CNTN4: variants seen among roughly 807,000 people sequenced by gnomAD.
CNTN4 encodes the protein contactin-4.
In CNTN4, 77 loss-of-function variants were observed where a neutral mutation model predicts 122.5. The ratio of observed to expected loss-of-function variants is 0.63; its 90% CI spans 0.52 to 0.76. The LOEUF (loss-of-function observed/expected upper bound fraction) is 0.76, where lower values mean the gene tolerates loss of function less well. Ranked by LOEUF, CNTN4 falls within the 30% of genes least tolerant of loss-of-function variation. The probability of loss-of-function intolerance (pLI) is 0.00; values close to 1 mark genes in which losing one functional copy is unlikely to be tolerated. For missense variants in CNTN4, 1,256 were observed against 1,259.1 expected, an observed-to-expected ratio of 1.00 and a Z score of 0.04; for synonymous variants, 512 against 447.0, an observed-to-expected ratio of 1.15 and a Z score of -1.83.
chr3:3,008,867 G>C, intron 14 of CNTN4: 2 of 762,336 alleles, frequency 2.6e-6, no homozygotes, highest in Non-Finnish European at 3.2e-6. Context: ...GCAGGCATTC[G>C]GGTTTCCCAT....
intron 2 of CNTN4, among the ~76,000 whole-genome samples, chr3:2,205,012 A>G (rs952373625): frequency 1.3e-5 from 2 of 152,112 alleles, no homozygotes; most frequent in African/African-American, 4.8e-5. Flanking sequence ...GTTGGGAATT[A>G]CTTAGGTTTT....
chr3:2,342,308 A>G (rs1426101125), intron 3 of CNTN4, among the ~76,000 whole-genome samples: 1 of 152,208 alleles, frequency 6.6e-6, no homozygotes, highest in East Asian at 1.9e-4. Context: ...GGAAAATAGA[A>G]GAAGACAGTT....
chr3:2,609,595 C>T (rs1286163047), intron 4 of CNTN4, among the ~76,000 whole-genome samples: 1 of 152,134 alleles, frequency 6.6e-6, no homozygotes, highest in Non-Finnish European at 1.5e-5. Context: ...AGTAGGATAG[C>T]TCTCTAACTT....
chr3:2,959,531 T>C (rs2094832353), intron 13 of CNTN4, among the ~76,000 whole-genome samples: 1 of 152,174 alleles, frequency 6.6e-6, no homozygotes, highest in South Asian at 2.1e-4. Flanking sequence ...TACCCTTGGC[T>C]TTAGAAATAG....
chr3:3,043,306 C>G (rs563522471), intron 22 of CNTN4, 143 bp downstream of exon 22: 9 of 876,484 alleles, frequency 1.0e-5, no homozygotes, highest in Middle Eastern at 2.2e-4. Context: ...TTAACTGAAC[C>G]TTTCCGTATA....
intron 14 of CNTN4, among the ~76,000 whole-genome samples, chr3:3,006,249 T>C (rs887268654): frequency 1.3e-5 from 2 of 152,176 alleles, no homozygotes; most frequent in African/African-American, 4.8e-5. Context: ...GAACTTCATG[T>C]CACCCTCATG....
chr3:2,603,603 G>A (rs1025575859), intron 4 of CNTN4, among the ~76,000 whole-genome samples: 2 of 152,142 alleles, frequency 1.3e-5, no homozygotes, highest in Non-Finnish European at 2.9e-5. Flanking sequence ...AATGACTTAC[G>A]TTTCATGTCA....
chr3:2,397,519 T>A (rs989362881), intron 3 of CNTN4, among the ~76,000 whole-genome samples: 9 of 152,098 alleles, frequency 5.9e-5, no homozygotes, highest in Non-Finnish European at 1.5e-5. Flanking sequence ...TTTCTGGATA[T>A]TTTAGAAGTG....
chr3:2,291,705 G>C (rs1277715589), intron 2 of CNTN4, among the ~76,000 whole-genome samples: 2 of 151,644 alleles, frequency 1.3e-5, no homozygotes, highest in South Asian at 2.1e-4. Flanking sequence ...GATTTGTTTT[G>C]AACTATAATA....
chr3:3,021,235 ATG>A (rs1345286172), intron 14 of CNTN4, among the ~76,000 whole-genome samples: 2 of 152,258 alleles, frequency 1.3e-5, no homozygotes, highest in African/African-American at 4.8e-5. Flanking sequence ...TGCCTTTTAG[ATG>A]TGTGTTTTAT....
At chr3:2,822,726 G>A (rs1012795168) in intron 7 of CNTN4, among the ~76,000 whole-genome samples, 15 of 152,176 alleles carry the variant, frequency 9.9e-5, no homozygotes, top group Non-Finnish European at 7.4e-5. Context: ...GTGCTGCTAC[G>A]CAATGAAGTA....
intron 3 of CNTN4, among the ~76,000 whole-genome samples, chr3:2,349,728 G>A (rs939675812): frequency 5.3e-5 from 8 of 152,106 alleles, no homozygotes; most frequent in Non-Finnish European, 8.8e-5. Context: ...TTGCAAACAC[G>A]TGGACTCAGA....
chr3:2,220,685 T>C (rs143898782), intron 2 of CNTN4, among the ~76,000 whole-genome samples: 617 of 152,214 alleles, frequency 4.1e-3, no homozygotes, highest in Middle Eastern at 0.014. Context: ...TATCTCCTCA[T>C]TGTTGTGATA....
At chr3:2,520,253 T>C (rs562603545) in intron 3 of CNTN4, among the ~76,000 whole-genome samples, 2 of 144,066 alleles carry the variant, frequency 1.4e-5, no homozygotes, top group East Asian at 4.0e-4. Context: ...GGTTGGTGAT[T>C]GCTTCCTTTT....
At chr3:2,146,464 A>G (rs909547818) in intron 2 of CNTN4, among the ~76,000 whole-genome samples, 1 of 152,136 alleles carries the variant, frequency 6.6e-6, no homozygotes, top group Non-Finnish European at 1.5e-5. Flanking sequence ...AATACATTTT[A>G]TATTGTTCCA....
chr3:2,480,033 A>G (rs893002958), intron 3 of CNTN4, among the ~76,000 whole-genome samples: 6 of 152,184 alleles, frequency 3.9e-5, no homozygotes, highest in Non-Finnish European at 1.5e-5. Flanking sequence ...CAGTTATATC[A>G]CTAGATGCAG....
chr3:2,734,820 C>T (rs2088963180), intron 4 of CNTN4, among the ~76,000 whole-genome samples: 1 of 152,040 alleles, frequency 6.6e-6, no homozygotes, highest in African/African-American at 2.4e-5. Flanking sequence ...GAAGTTTTTC[C>T]AGGATAGCAG....
chr3:2,344,047 A>T (rs970750484), intron 3 of CNTN4, among the ~76,000 whole-genome samples: 1 of 152,130 alleles, frequency 6.6e-6, no homozygotes, highest in Non-Finnish European at 1.5e-5. Flanking sequence ...TCATTACCCA[A>T]GGAATGGCAC....
chr3:2,661,602 C>T (rs1050458374), intron 4 of CNTN4, among the ~76,000 whole-genome samples: 11 of 151,738 alleles, frequency 7.2e-5, no homozygotes, highest in African/African-American at 1.9e-4. Flanking sequence ...CACCTGAGAT[C>T]GGGAATTCAA....
Sources: allele counts gnomAD v4.1 joint callset (sites outside exome capture counted in the v4.1 genomes callset), GRCh38; gene constraint gnomAD v4.1.1; transcripts MANE v1.5; gene names NCBI Gene and HGNC (gene_info 2026-07-23, HGNC 2026-07-21).